Variants in FGD5 observed in about 807,000 individuals in gnomAD.
FGD5 encodes FYVE, RhoGEF and PH domain-containing protein 5.
A neutral mutation model predicts 133.4 loss-of-function variants in FGD5; 28 were observed. The ratio of observed to expected loss-of-function variants is 0.21; its 90% CI spans 0.16 to 0.29. The LOEUF (loss-of-function observed/expected upper bound fraction) is 0.29, where lower values mean the gene tolerates loss of function less well. FGD5 is among the 10% of genes least tolerant of loss of function. The probability of loss-of-function intolerance (pLI) is 1.00; values close to 1 mark genes in which losing one functional copy is unlikely to be tolerated. For missense variants in FGD5, 1,858 were observed against 1,895.2 expected (o/e 0.98, Z 0.36); for synonymous variants, 810 against 776.5 (o/e 1.04, Z -0.72).
At chr3:14,811,139 G>T (rs1480317103) in intron 1 of FGD5, among the ~76,000 whole-genome samples, 1 of 152,080 alleles carries the variant, frequency 6.6e-6, no homozygotes, top group African/African-American at 2.4e-5. Context: ...TATCCCACTC[G>T]CACGGCGTTC....
intron 2 of FGD5, among the ~76,000 whole-genome samples, chr3:14,872,950 G>C (rs1053917683): frequency 6.6e-6 from 1 of 152,214 alleles, no homozygotes; most frequent in African/African-American, 2.4e-5. Flanking sequence ...TGGTGAAAAA[G>C]AAAAACCTCA....
intron 11 of FGD5, among the ~76,000 whole-genome samples, chr3:14,911,655 G>A (rs557152226): frequency 1.5e-4 from 23 of 151,836 alleles, no homozygotes; most frequent in Admixed American, 1.1e-3. Context: ...TGAGCACCTC[G>A]TGTGTGCTGG....
chr3:14,853,636 C>CTTTTTTTTTT lies in FGD5; in HGVS notation c.2526-10470_2526-10461dup, dbSNP rs34008934. Among the ~76,000 whole-genome samples the CTTTTTTTTTT allele has an allele frequency of 6.8e-3, 251 of 37,132 alleles. 13 individuals carry two copies. The highest frequency in any genetic ancestry group is 8.3e-3 in the Non-Finnish European group (184 of 22,178). 24.4% of individuals were successfully genotyped at this position (37,132 alleles called of 152,430 possible). On this transcript the variant is annotated intron_variant, in intron 1 of 19. Transcript: ENST00000285046. ...GAGATTCCCAGGGGGAAAAGCGTTC[C>CTTTTTTTTTT]TTTTTTTTTTTTTTTTTTTTTTTTT...
chr3:14,929,376 T>C (rs2038865501), intron 18 of FGD5, among the ~76,000 whole-genome samples: 1 of 152,234 alleles, frequency 6.6e-6, no homozygotes, highest in Non-Finnish European at 1.5e-5. Flanking sequence ...TTGGAATTGA[T>C]GGATCATAAG....
At chr3:14,856,210 C>CT (rs929652360) in intron 1 of FGD5, among the ~76,000 whole-genome samples, 2 of 152,132 alleles carry the variant, frequency 1.3e-5, no homozygotes, top group Admixed American at 6.6e-5. Flanking sequence ...TCTGGGTTCT[C>CT]TATTTTGTTC....
At chr3:14,842,539 T>G (rs181353225) in intron 1 of FGD5, among the ~76,000 whole-genome samples, 1 of 152,346 alleles carries the variant, frequency 6.6e-6, no homozygotes, top group East Asian at 1.9e-4. Context: ...TGCTTTGCAT[T>G]GTACCCTGAT....
At chr3:14,868,035 A>G (rs988309477) in intron 2 of FGD5, among the ~76,000 whole-genome samples, 3 of 152,076 alleles carry the variant, frequency 2.0e-5, no homozygotes, top group African/African-American at 7.2e-5. Context: ...GTCCACCCAC[A>G]TGTCTGACCT....
chr3:14,841,378 G>A (rs563008974), intron 1 of FGD5, among the ~76,000 whole-genome samples: 1 of 152,320 alleles, frequency 6.6e-6, no homozygotes, highest in Admixed American at 6.5e-5. Flanking sequence ...CCTCTGTTCA[G>A]ATGAGGTTGG....
At chr3:14,860,910 T>C (rs1219204552) in intron 1 of FGD5, among the ~76,000 whole-genome samples, 1 of 151,776 alleles carries the variant, frequency 6.6e-6, no homozygotes, top group East Asian at 1.9e-4. Flanking sequence ...ACCCAGGAGG[T>C]TGAGGCTGCG....
intron 1 of FGD5, among the ~76,000 whole-genome samples, chr3:14,823,745 A>C (rs1208290801): frequency 1.3e-5 from 2 of 152,254 alleles, no homozygotes; most frequent in African/African-American, 2.4e-5. Context: ...TACAATCACA[A>C]GAGCAAGTCC....
At chr3:14,901,491 G>C (rs1030367589) in intron 9 of FGD5, among the ~76,000 whole-genome samples, 3 of 152,206 alleles carry the variant, frequency 2.0e-5, no homozygotes, top group Admixed American at 6.5e-5. Context: ...GTGGCTCTAA[G>C]CACAGATCTG....
chr3:14,917,233 G>A lies in FGD5; in HGVS notation c.3406-16G>A, dbSNP rs2038574629. The A allele has an allele frequency of 6.2e-7, 1 of 1,611,188 alleles. No individual in the cohort carries two copies. Among genetic ancestry groups the A allele is most frequent in the Non-Finnish European group, 8.5e-7 (1 of 1,178,618 alleles). On this transcript the variant is annotated splice_polypyrimidine_tract_variant and intron_variant, in intron 11 of 19. Coordinates refer to ENST00000285046, the MANE Select transcript of FGD5 (RefSeq NM_152536.4). This position sits in a 1 kb window ranked among gnomAD's most constrained non-coding sequence, Gnocchi z 4.1. Reference sequence around the variant, plus strand: ...TCTGGGGCCAGGGTCCTCTCATAGGGTTTCCCTCTCTCCAGATGAACGATG... The same window carrying A: ...TCTGGGGCCAGGGTCCTCTCATAGGATTTCCCTCTCTCCAGATGAACGATG...
chr3:14,864,086 A>G (rs2037449913), intron 1 of FGD5, 42 bp from the exon 2 acceptor site: 1 of 1,594,172 alleles, frequency 6.3e-7, no homozygotes, highest in African/African-American at 1.3e-5. Flanking sequence ...TGCCTATGCT[A>G]AACAAAAAGC....
chr3:14,813,450 A>T (rs1404498388), intron 1 of FGD5, among the ~76,000 whole-genome samples: 2 of 152,222 alleles, frequency 1.3e-5, no homozygotes, highest in Non-Finnish European at 2.9e-5. Flanking sequence ...CCAGGAATGA[A>T]AGTTAAATTA....
chr3:14,930,511 C>T (rs1442490055), intron 18 of FGD5, among the ~76,000 whole-genome samples: 1 of 152,068 alleles, frequency 6.6e-6, no homozygotes, highest in African/African-American at 2.4e-5. Flanking sequence ...GCATGAGAAT[C>T]GCTTGAACAC....
intron 1 of FGD5, among the ~76,000 whole-genome samples, chr3:14,823,330 C>T (rs1289598826): frequency 6.6e-6 from 1 of 152,204 alleles, no homozygotes; most frequent in East Asian, 1.9e-4. Flanking sequence ...GAACCCGTCA[C>T]TCCCAGAGCT....
intron 10 of FGD5, among the ~76,000 whole-genome samples, chr3:14,908,837 G>A (rs957013236): frequency 1.2e-4 from 18 of 151,568 alleles, no homozygotes; most frequent in South Asian, 1.0e-3. Flanking sequence ...CCGAGATCGC[G>A]CCATTGCACT....
chr3:14,919,988 G>T (rs2038643040), intron 13 of FGD5, among the ~76,000 whole-genome samples: 1 of 152,186 alleles, frequency 6.6e-6, no homozygotes, highest in African/African-American at 2.4e-5. Flanking sequence ...GTGGGGCATG[G>T]CATTTCTATC....
In FGD5 at chr3:14,922,126, T is replaced by G; in HGVS notation, c.3669+109T>G. 8.2e-7 allele frequency: 1 copy of G among 1,226,118 alleles called. No homozygotes were observed. The highest frequency in any genetic ancestry group is 1.2e-6 in the Non-Finnish European group (1 of 865,722). The allele number at this position is 1,226,118 out of a possible 1,614,324, so 76.0% of individuals were successfully genotyped here. ...CCAGATGGACGTGTAGCTCCTGTCT[T>G]GGGGCACTGGCTCCCCCCACACCCC... is the stretch of plus-strand genomic sequence containing the variant. On this transcript the variant is annotated intron_variant, in intron 14 of 19. Coordinates refer to ENST00000285046, the MANE Select transcript of FGD5 (RefSeq NM_152536.4). This position sits in a 1 kb window ranked among gnomAD's most constrained non-coding sequence, Gnocchi z 4.1.
Sources: gnomAD v4.1 joint callset for allele counts (sites outside exome capture counted in the v4.1 genomes callset) on GRCh38, gnomAD v4.1.1 for gene constraint, Gnocchi (gnomAD v3.1) non-coding constraint, MANE v1.5 for transcripts, NCBI Gene and HGNC (gene_info 2026-07-23, HGNC 2026-07-21) for gene names.